Variants in TPRG1 observed in about 807,000 individuals in gnomAD.
The protein encoded by TPRG1 is tumor protein p63-regulated gene 1 protein.
Under a neutral mutation model 29.3 loss-of-function variants are expected in TPRG1, and 29 were observed. The observed-to-expected ratio is 0.99, with a 90% CI of 0.74 to 1.35. TPRG1 has a LOEUF of 1.35. Among genes scored for constraint, TPRG1 ranks in the 40% most tolerant of loss-of-function variants. The probability of loss-of-function intolerance (pLI) is 0.00; values close to 1 mark genes in which losing one functional copy is unlikely to be tolerated. For synonymous variants in TPRG1, 130 were observed against 116.8 expected (o/e 1.11, Z -0.73); for missense variants, 327 against 335.0 (o/e 0.98, Z 0.19).
chr3:189,065,432 A>G (rs917418155), intron 4 of TPRG1, among the ~76,000 whole-genome samples: 3 of 152,188 alleles, frequency 2.0e-5, no homozygotes, highest in Non-Finnish European at 4.4e-5. Flanking sequence ...ACAAAATATT[A>G]ACAATCCCTA....
Position 189,320,898 on chromosome 3 carries a change from G to T in TPRG1, c.*78G>T. 8.5e-7 allele frequency: 1 copy of T among 1,170,966 alleles called. No homozygotes were observed. The highest frequency in any genetic ancestry group is 1.1e-6 in the Non-Finnish European group (1 of 873,092). The allele number at this position is 1,170,966 out of a possible 1,614,324, so 72.5% of individuals were successfully genotyped here. On this transcript the variant is annotated 3_prime_UTR_variant, in exon 6 of 6. Transcript: ENST00000345063. ...TTCCAGTTTGACCCACGCTATTTTT[G>T]GACTGAAACAATTAATTATTTTTAA...
chr3:189,120,789 T>C (rs1721738931), intron 1 of TPRG1, among the ~76,000 whole-genome samples: 1 of 152,224 alleles, frequency 6.6e-6, no homozygotes, highest in Admixed American at 6.5e-5. Flanking sequence ...GCAAACCTGG[T>C]AAACCTCGAT....
intron 4 of TPRG1, among the ~76,000 whole-genome samples, chr3:189,040,517 C>A (rs1423734672): frequency 6.6e-6 from 1 of 151,904 alleles, no homozygotes; most frequent in African/African-American, 2.4e-5. Flanking sequence ...CCACCTCAGG[C>A]CATTGCTTGG....
At chr3:189,113,918 T>C (rs1047737598) in intron 1 of TPRG1, among the ~76,000 whole-genome samples, 128 of 127,470 alleles carry the variant, frequency 1.0e-3, no homozygotes, top group African/African-American at 2.7e-3. Context: ...TAAAGTATAA[T>C]AATAATAAAA....
At chr3:189,260,070 G>C (rs1712729390) in intron 4 of TPRG1, among the ~76,000 whole-genome samples, 1 of 152,192 alleles carries the variant, frequency 6.6e-6, no homozygotes, top group Non-Finnish European at 1.5e-5. Flanking sequence ...CGGGCTGACA[G>C]GGAGTCAATC....
At chr3:189,065,190 TAA>T (rs942960439) in intron 4 of TPRG1, among the ~76,000 whole-genome samples, 2 of 151,892 alleles carry the variant, frequency 1.3e-5, no homozygotes, top group African/African-American at 2.4e-5. Flanking sequence ...AAAAAAGAAG[TAA>T]AAAAATACCA....
intron 4 of TPRG1, among the ~76,000 whole-genome samples, chr3:189,048,927 G>A (rs2152138300): frequency 6.6e-6 from 1 of 152,270 alleles, no homozygotes; most frequent in Non-Finnish European, 1.5e-5. Flanking sequence ...ACCTGGAGCT[G>A]AGTCAAGTTA....
chr3:189,253,635 C>T (rs1312005110), intron 4 of TPRG1, among the ~76,000 whole-genome samples: 2 of 152,144 alleles, frequency 1.3e-5, no homozygotes, highest in African/African-American at 4.8e-5. Flanking sequence ...ATTTCTGGGT[C>T]AAATGCTATT....
At chr3:189,168,778 G>A (rs910603443), upstream of TPRG1, among the ~76,000 whole-genome samples, 6 of 152,132 alleles carry the variant, frequency 3.9e-5, no homozygotes, top group Admixed American at 2.6e-4. Flanking sequence ...GTGTATCTGG[G>A]GAGTTGGGAT....
intron 3 of TPRG1, among the ~76,000 whole-genome samples, chr3:189,017,817 A>T (rs1450833655): frequency 6.6e-6 from 1 of 152,182 alleles, no homozygotes; most frequent in African/African-American, 2.4e-5. Context: ...TGACTTCCAC[A>T]AGGGATGAAC....
chr3:189,105,933 T>G (rs1364495007), intron 1 of TPRG1, among the ~76,000 whole-genome samples: 2 of 152,024 alleles, frequency 1.3e-5, no homozygotes, highest in Non-Finnish European at 2.9e-5. Context: ...GAAAAATAGC[T>G]AATGCATGCT....
chr3:189,028,974 C>T (rs1713802121), intron 4 of TPRG1, among the ~76,000 whole-genome samples: 1 of 151,766 alleles, frequency 6.6e-6, no homozygotes, highest in South Asian at 2.1e-4. Flanking sequence ...CTCCTCGTCC[C>T]CAGTCATGGT....
intron 4 of TPRG1, among the ~76,000 whole-genome samples, chr3:189,037,649 G>GAAACA (rs1714359297): frequency 1.3e-5 from 2 of 151,772 alleles, no homozygotes; most frequent in Non-Finnish European, 2.9e-5. Flanking sequence ...GAAATACAAT[G>GAAACA]AGATATCACT....
chr3:189,127,110 T>A (rs1277618280), exon 2 of TPRG1: 1 of 152,222 alleles, frequency 6.6e-6, no homozygotes, highest in Non-Finnish European at 1.5e-5. Context: ...TTCATGCTGT[T>A]GATTCACAGA....
intron 2 of TPRG1, among the ~76,000 whole-genome samples, chr3:189,213,196 A>AATATG (rs879921583): frequency 7.4e-4 from 112 of 151,980 alleles, no homozygotes; most frequent in Non-Finnish European, 1.3e-3. Flanking sequence ...TATATGTAAT[A>AATATG]ATATATATAG....
At chr3:189,201,945 G>A (rs899407471) in intron 1 of TPRG1, among the ~76,000 whole-genome samples, 4 of 152,004 alleles carry the variant, frequency 2.6e-5, no homozygotes, top group Admixed American at 6.6e-5. Flanking sequence ...GCCACTGCTC[G>A]CAGCCTCAAA....
intron 1 of TPRG1, among the ~76,000 whole-genome samples, chr3:189,122,531 C>T (rs955135727): frequency 2.6e-5 from 4 of 152,144 alleles, no homozygotes; most frequent in South Asian, 2.1e-4. Flanking sequence ...GAGTATTTTG[C>T]GTAGCATGGG....
chr3:189,074,978 A>AT (rs1310703886), intron 4 of TPRG1, among the ~76,000 whole-genome samples: 2 of 151,544 alleles, frequency 1.3e-5, no homozygotes, highest in Admixed American at 6.6e-5. Flanking sequence ...CGCCCGGCTA[A>AT]TTTTTTGTAT....
At chr3:189,013,234 T>C (rs1712697394) in intron 3 of TPRG1, among the ~76,000 whole-genome samples, 2 of 152,164 alleles carry the variant, frequency 1.3e-5, no homozygotes, top group East Asian at 1.9e-4. Flanking sequence ...TTCTCACTGG[T>C]TTCAAAAAAC....
Sources: gnomAD v4.1 joint callset for allele counts (sites outside exome capture counted in the v4.1 genomes callset) on GRCh38, gnomAD v4.1.1 for gene constraint, MANE v1.5 for transcripts, NCBI Gene and HGNC (gene_info 2026-07-23, HGNC 2026-07-21) for gene names.